Variants in TBC1D21 observed in about 807,000 individuals in gnomAD.
TBC1D21 encodes TBC1 domain family member 21, also known as male germ cell Rab GTPase-activating protein.
TBC1D21 carries 38 observed loss-of-function variants against 46.0 expected under a neutral mutation model. The ratio of observed to expected loss-of-function variants is 0.83; its 90% confidence interval spans 0.64 to 1.08. TBC1D21 has a LOEUF of 1.08. Among genes scored for constraint, TBC1D21 ranks in the 50% least tolerant of loss-of-function variants. The probability of loss-of-function intolerance (pLI) is 0.00; values close to 1 mark genes in which losing one functional copy is unlikely to be tolerated. For missense variants in TBC1D21, 415 were observed against 417.9 expected (o/e 0.99, Z 0.06); for synonymous variants, 151 against 157.2 (o/e 0.96, Z 0.29).
At chr15:73,882,135 C>A (rs998516436) in intron 3 of TBC1D21, among the ~76,000 whole-genome samples, 1 of 152,136 alleles carries the variant, frequency 6.6e-6, no homozygotes, top group Non-Finnish European at 1.5e-5. Context: ...AGCTGCCTCC[C>A]GGGTCTAGTC....
At chr15:73,875,311 GGGAA>G (rs201470084) in intron 1 of TBC1D21, among the ~76,000 whole-genome samples, 1 of 132,964 alleles carries the variant, frequency 7.5e-6, no homozygotes, top group African/African-American at 2.8e-5. Context: ...GAGGGAAGAA[GGGAA>G]GGAAGGAAGG....
chr15:73,895,307 G>A, the TBC1D21 span, among the ~76,000 whole-genome samples: 54 of 152,170 alleles, frequency 3.5e-4, no homozygotes, highest in African/African-American at 1.2e-3. Flanking sequence ...GAGAGGACAG[G>A]AGTGACTGTG....
At chr15:73,901,929 A>C in the TBC1D21 span, among the ~76,000 whole-genome samples, 1 of 152,022 alleles carries the variant, frequency 6.6e-6, no homozygotes, top group Non-Finnish European at 1.5e-5. Flanking sequence ...CTCCCACCTC[A>C]GCCTCCTGAG....
the TBC1D21 span, among the ~76,000 whole-genome samples, chr15:73,901,942 G>A: frequency 3.9e-5 from 6 of 152,044 alleles, no homozygotes; most frequent in Non-Finnish European, 8.8e-5. Context: ...CTCCTGAGTA[G>A]CTGGGACCAC....
chr15:73,888,559 T>C, intron 10 of TBC1D21, 46 bp downstream of exon 10: 1 of 1,293,748 alleles, frequency 7.7e-7, no homozygotes, highest in East Asian at 2.5e-5. Flanking sequence ...TTCCTCCTCC[T>C]CCTCTTCCTC....
chr15:73,892,676 A>G (rs1441401690), downstream of TBC1D21, among the ~76,000 whole-genome samples: 1 of 152,140 alleles, frequency 6.6e-6, no homozygotes, highest in Non-Finnish European at 1.5e-5. Flanking sequence ...ACACACTTCA[A>G]CACTCCATGT....
At chr15:73,881,098 C>T (rs1315937206) in intron 1 of TBC1D21, among the ~76,000 whole-genome samples, 10 of 152,188 alleles carry the variant, frequency 6.6e-5, no homozygotes, top group Non-Finnish European at 4.4e-5. Context: ...TTGTAAACAA[C>T]ACTTATATGC....
chr15:73,884,678 A>G (rs942789735), intron 4 of TBC1D21, 103 bp from the exon 5 acceptor site: 91 of 757,998 alleles, frequency 1.2e-4, no homozygotes, highest in Middle Eastern at 7.4e-4. Context: ...CTCTCCCTCC[A>G]GGATGTCCTA....
At chr15:73,900,499 TTC>T in the TBC1D21 span, among the ~76,000 whole-genome samples, 2 of 152,070 alleles carry the variant, frequency 1.3e-5, no homozygotes, top group Non-Finnish European at 2.9e-5. Context: ...CTGTCCTGCT[TTC>T]TCCTTCTCCC....
intron 3 of TBC1D21, 111 bp from the exon 4 acceptor site, chr15:73,884,040 G>A (rs1176726467): frequency 8.2e-6 from 7 of 849,098 alleles, no homozygotes; most frequent in Admixed American, 5.2e-5. Context: ...TGCATGGCTG[G>A]GTGAGGGTGC....
chr15:73,905,824 C>G, the TBC1D21 span, among the ~76,000 whole-genome samples: 1 of 152,210 alleles, frequency 6.6e-6, no homozygotes, highest in African/African-American at 2.4e-5. Flanking sequence ...AATCAGTTGG[C>G]TTGGAGGTTT....
chr15:73,909,569 TG>T, the TBC1D21 span, among the ~76,000 whole-genome samples: 1 of 152,034 alleles, frequency 6.6e-6, no homozygotes, highest in Non-Finnish European at 1.5e-5. Flanking sequence ...CAGAATCTCA[TG>T]TTTGCGTAAG....
chr15:73,902,598 C>T, the TBC1D21 span, among the ~76,000 whole-genome samples: 1 of 152,228 alleles, frequency 6.6e-6, no homozygotes, highest in African/African-American at 2.4e-5. Context: ...ACCACTGGTG[C>T]CCACCCCACA....
intron 10 of TBC1D21, among the ~76,000 whole-genome samples, chr15:73,888,732 T>TTCC (rs145470804): frequency 4.7e-5 from 7 of 148,616 alleles, no homozygotes; most frequent in African/African-American, 1.8e-4. Context: ...CCTCCTCTTC[T>TTCC]TCCTCCTCCT....
intron 1 of TBC1D21, among the ~76,000 whole-genome samples, chr15:73,877,096 G>A (rs549840885): frequency 6.6e-6 from 1 of 152,270 alleles, no homozygotes; most frequent in Non-Finnish European, 1.5e-5. Context: ...AGATATTTGC[G>A]AAGATTAAAT....
intron 10 of TBC1D21, among the ~76,000 whole-genome samples, 153 bp downstream of exon 10, chr15:73,888,666 CTCCTCT>C (rs1468164053): frequency 1.6e-3 from 242 of 150,786 alleles, no homozygotes; most frequent in African/African-American, 5.9e-3. Flanking sequence ...CTTCTTCCTC[CTCCTCT>C]TCCTCCTCCT....
chr15:73,893,769 G>C (rs1010992898), downstream of TBC1D21, among the ~76,000 whole-genome samples: 9 of 152,130 alleles, frequency 5.9e-5, no homozygotes, highest in Admixed American at 2.0e-4. Flanking sequence ...TGGTCAGTGG[G>C]GAGGAAGGGA....
intron 1 of TBC1D21, among the ~76,000 whole-genome samples, chr15:73,878,883 G>T (rs1166966077): frequency 6.6e-6 from 1 of 152,184 alleles, no homozygotes; most frequent in Non-Finnish European, 1.5e-5. Flanking sequence ...TGCATGCTGA[G>T]TGTTGCAGTT....
chr15:73,899,806 A>G, the TBC1D21 span, among the ~76,000 whole-genome samples: 1 of 152,212 alleles, frequency 6.6e-6, no homozygotes, highest in Non-Finnish European at 1.5e-5. Context: ...AGGACTGGGA[A>G]GGGAAAGATG....
Sources: allele counts gnomAD v4.1 joint callset (sites outside exome capture counted in the v4.1 genomes callset), GRCh38; gene constraint gnomAD v4.1.1; transcripts MANE v1.5; gene names NCBI Gene and HGNC (gene_info 2026-07-23, HGNC 2026-07-21).